Variants in DLGAP2 observed in about 807,000 individuals in gnomAD.
The protein encoded by DLGAP2 is disks large-associated protein 2.
DLGAP2 carries 26 observed loss-of-function variants against 100.3 expected under a neutral mutation model. The observed-to-expected ratio is 0.26, with a 90% CI of 0.19 to 0.36. The LOEUF (loss-of-function observed/expected upper bound fraction) is 0.36. DLGAP2 is among the 10% of genes least tolerant of loss of function. The pLI is 1.00. For missense variants in DLGAP2, 1,858 were observed against 1,453.2 expected, an observed-to-expected ratio of 1.28 and a Z score of -4.53; for synonymous variants, 886 against 630.1, an observed-to-expected ratio of 1.41 and a Z score of -6.08.
chr8:1,040,559 C>T (rs866371499), intron 2 of DLGAP2, among the ~76,000 whole-genome samples: 1,959 of 26,780 alleles, frequency 0.073, no homozygotes, highest in Middle Eastern at 0.1. Context: ...CGGCTCGGTG[C>T]GTGTGGTCGG....
intron 2 of DLGAP2, among the ~76,000 whole-genome samples, chr8:1,182,908 A>T (rs1271265280): frequency 3.3e-5 from 5 of 152,156 alleles, no homozygotes. Flanking sequence ...CTCAGGATGC[A>T]GTGAGCGCAC....
intron 3 of DLGAP2, among the ~76,000 whole-genome samples, chr8:1,467,165 A>G (rs564140388): frequency 6.6e-6 from 1 of 151,934 alleles, no homozygotes; most frequent in South Asian, 2.1e-4. Context: ...AGCCAGAGGG[A>G]GGAGGGGTCC....
intron 6 of DLGAP2, among the ~76,000 whole-genome samples, chr8:1,594,414 CAG>C (rs1019844558): frequency 1.4e-4 from 21 of 152,140 alleles, no homozygotes; most frequent in Admixed American, 2.6e-4. Flanking sequence ...ATGTGCCAAA[CAG>C]AAATTATGGA....
chr8:1,061,364 G>A (rs1212169914), intron 2 of DLGAP2, among the ~76,000 whole-genome samples: 4 of 152,114 alleles, frequency 2.6e-5, no homozygotes, highest in Admixed American at 6.5e-5. Context: ...TGGGCGGTGT[G>A]GAAGCTGAAA....
chr8:1,184,165 A>G (rs766698399), intron 2 of DLGAP2, among the ~76,000 whole-genome samples: 10 of 152,258 alleles, frequency 6.6e-5, no homozygotes, highest in Non-Finnish European at 1.5e-4. Flanking sequence ...TCTTTTATGC[A>G]ACCGTCATGC....
At chr8:1,027,094 T>C (rs1177894561) in intron 2 of DLGAP2, among the ~76,000 whole-genome samples, 1 of 152,174 alleles carries the variant, frequency 6.6e-6, no homozygotes, top group Admixed American at 6.5e-5. Context: ...TTCTAGTATT[T>C]AGGGAAGGGT....
chr8:772,542 C>G (rs975256404), intron 1 of DLGAP2, among the ~76,000 whole-genome samples: 11 of 152,010 alleles, frequency 7.2e-5, no homozygotes, highest in Non-Finnish European at 1.3e-4. Flanking sequence ...AGGCTTGTCT[C>G]AAACTCCTCG....
intron 7 of DLGAP2, among the ~76,000 whole-genome samples, chr8:1,627,966 C>A (rs1797549354): frequency 1.4e-5 from 2 of 144,714 alleles, no homozygotes; most frequent in Admixed American, 1.4e-4. Flanking sequence ...ACCTCACATT[C>A]TCTCTGACTT....
chr8:1,362,435 G>A (rs578172903), intron 3 of DLGAP2, among the ~76,000 whole-genome samples: 3 of 151,826 alleles, frequency 2.0e-5, no homozygotes. Flanking sequence ...CCCTCGGGAG[G>A]CTCGGTAAGG....
At chr8:1,555,921 T>C (rs1801948829) in intron 5 of DLGAP2, among the ~76,000 whole-genome samples, 1 of 152,164 alleles carries the variant, frequency 6.6e-6, no homozygotes, top group Non-Finnish European at 1.5e-5. Context: ...TGTGGTGAGA[T>C]TCAAGACAGT....
At chr8:1,076,200 T>C (rs1803602856) in intron 2 of DLGAP2, among the ~76,000 whole-genome samples, 1 of 152,158 alleles carries the variant, frequency 6.6e-6, no homozygotes, top group Non-Finnish European at 1.5e-5. Flanking sequence ...GTTCTCCGCC[T>C]CTCCCCTCAC....
chr8:1,631,043 C>T (rs569350835), intron 7 of DLGAP2, among the ~76,000 whole-genome samples: 5 of 150,312 alleles, frequency 3.3e-5, no homozygotes, highest in Non-Finnish European at 7.4e-5. Context: ...GGCGGGAGGT[C>T]CGGGTGCCCC....
chr8:1,099,628 C>T (rs1585058114), intron 2 of DLGAP2, among the ~76,000 whole-genome samples: 1 of 152,192 alleles, frequency 6.6e-6, no homozygotes, highest in South Asian at 2.1e-4. Context: ...TTTGAAGCTT[C>T]AGAGGTGGAG....
intron 3 of DLGAP2, among the ~76,000 whole-genome samples, chr8:1,272,291 T>C (rs751125894): frequency 7.2e-5 from 11 of 152,298 alleles, no homozygotes; most frequent in Non-Finnish European, 1.2e-4. Flanking sequence ...TGTGAGTGAA[T>C]GTAGACAATG....
intron 1 of DLGAP2, among the ~76,000 whole-genome samples, chr8:872,333 C>CTTT (rs1191019452): frequency 2.0e-5 from 2 of 100,154 alleles, no homozygotes; most frequent in Admixed American, 1.9e-4. Context: ...CACTTCTTTT[C>CTTT]TTTTTTTTTT....
At chr8:1,447,569 C>T (rs181919302) in intron 3 of DLGAP2, among the ~76,000 whole-genome samples, 10 of 152,134 alleles carry the variant, frequency 6.6e-5, no homozygotes, top group Admixed American at 3.3e-4. Flanking sequence ...TGTCTCTGCC[C>T]GGCTTTGGTA....
chr8:1,025,377 A>C (rs1203859266), intron 2 of DLGAP2, among the ~76,000 whole-genome samples: 1 of 152,132 alleles, frequency 6.6e-6, no homozygotes, highest in African/African-American at 2.4e-5. Flanking sequence ...CATAAACTTA[A>C]CTGAGCCCGG....
In DLGAP2 at chr8:1,681,873, G is replaced by T. The variant is rs73672927; in HGVS notation, c.2704+3244G>T. Among the ~76,000 whole-genome samples the T allele has an allele frequency of 6.0e-5, 9 of 149,906 alleles. No homozygotes were observed. The East Asian group carries it at 1.6e-3, about 26-fold the overall frequency. On this transcript the variant is annotated intron_variant, in intron 12 of 14. Coordinates refer to ENST00000637795, the MANE Select transcript of DLGAP2 (RefSeq NM_001346810.2). ...GGACTGGGAGTCACGGCCCTCTGAC[G>T]TTGAAGGCTCTGCCTTCCCAGCAGT... is the stretch of plus-strand genomic sequence containing the variant.
intron 3 of DLGAP2, 26 bp from the exon 4 acceptor site, chr8:1,501,340 G>C: frequency 6.5e-7 from 1 of 1,535,788 alleles, no homozygotes. Context: ...ACGCATTAAA[G>C]AGTGACTTTG....
Sources: allele counts gnomAD v4.1 joint callset (sites outside exome capture counted in the v4.1 genomes callset), GRCh38; gene constraint gnomAD v4.1.1; transcripts MANE v1.5; gene names NCBI Gene and HGNC (gene_info 2026-07-23, HGNC 2026-07-21).